YAP1: variants seen among roughly 807,000 people sequenced by gnomAD.
YAP1 encodes the protein Yes1 associated transcriptional regulator, also known as transcriptional coactivator YAP1.
YAP1 carries 5 observed loss-of-function variants against 56.9 expected under a neutral mutation model. The ratio of observed to expected loss-of-function variants is 0.09; its 90% CI spans 0.05 to 0.18. The LOEUF (loss-of-function observed/expected upper bound fraction) is 0.18. Among genes scored for constraint, YAP1 ranks in the 10% least tolerant of loss-of-function variants. The pLI, the probability that YAP1 is intolerant of heterozygous loss-of-function variation, is 1.00. For synonymous variants in YAP1, 265 were observed against 248.1 expected, an observed-to-expected ratio of 1.07 and a Z score of -0.64; for missense variants, 539 against 651.8, an observed-to-expected ratio of 0.83 and a Z score of 1.88.
At chr11:102,167,637 G>A (rs559499263) in intron 3 of YAP1, among the ~76,000 whole-genome samples, 70 of 152,320 alleles carry the variant, frequency 4.6e-4, no homozygotes, top group African/African-American at 1.6e-3. Context: ...CGGAGGCTGA[G>A]GCAGGAGAAT....
chr11:102,209,473 T>C (rs750265229), intron 5 of YAP1, 44 bp from the exon 6 acceptor site: 2 of 1,566,008 alleles, frequency 1.3e-6, no homozygotes, highest in South Asian at 1.1e-5. Flanking sequence ...AGCCAGACCA[T>C]GTGGCTTAAA....
chr11:102,175,878 G>T (rs1449609749), intron 3 of YAP1, among the ~76,000 whole-genome samples: 1 of 152,174 alleles, frequency 6.6e-6, no homozygotes. Context: ...TTCTATATGT[G>T]ATCCATCATT....
intron 4 of YAP1, among the ~76,000 whole-genome samples, chr11:102,192,059 G>T (rs1233302126): frequency 6.6e-6 from 1 of 152,084 alleles, no homozygotes; most frequent in Non-Finnish European, 1.5e-5. Context: ...CCCAATTCTT[G>T]CCTCACCGAT....
chr11:102,225,463 C>T (rs1950151855), intron 7 of YAP1, among the ~76,000 whole-genome samples: 1 of 152,188 alleles, frequency 6.6e-6, no homozygotes, highest in Admixed American at 6.5e-5. Flanking sequence ...CCAGCCTGGG[C>T]AACAAGAGTG....
intron 2 of YAP1, among the ~76,000 whole-genome samples, chr11:102,147,907 G>C (rs1945413586): frequency 6.6e-6 from 1 of 152,110 alleles, no homozygotes; most frequent in East Asian, 1.9e-4. Context: ...GCATATTAGA[G>C]ATATTAGAAT....
chr11:102,228,656 A>AAAAAAAAAAAAAAAAAAAAAT (rs1950318329), intron 8 of YAP1, among the ~76,000 whole-genome samples: 1 of 148,034 alleles, frequency 6.8e-6, no homozygotes, highest in Non-Finnish European at 1.5e-5. Flanking sequence ...AAAAAAAAAA[A>AAAAAAAAAAAAAAAAAAAAAT]AAAAAGAATA....
Position 102,174,723 on chromosome 11 carries a change from G to A in YAP1, c.689-11295G>A, listed in dbSNP as rs116784726. 6.9e-3 allele frequency among the ~76,000 whole-genome samples: 1,044 copies of A among 152,268 alleles called. 15 individuals carry two copies. The highest frequency in any genetic ancestry group is 0.024 in the African/African-American group (990 of 41,556). ...CAAACTTTGGTTGTATTTGGTGGCAGTGCTAAGTCCTAGGGATACAAAGAC... is the reference window on the plus strand; with the variant it reads ...CAAACTTTGGTTGTATTTGGTGGCAATGCTAAGTCCTAGGGATACAAAGAC... On this transcript the variant is annotated intron_variant, in intron 3 of 8. Transcript: ENST00000282441.
chr11:102,117,272 GTGT>G (rs1280275342), intron 2 of YAP1, among the ~76,000 whole-genome samples: 7 of 152,180 alleles, frequency 4.6e-5, no homozygotes, highest in Admixed American at 1.3e-4. Flanking sequence ...CTAAAGAGGA[GTGT>G]TGTTGTCATC....
chr11:102,202,302 G>T (rs561104216), intron 4 of YAP1, among the ~76,000 whole-genome samples: 5 of 149,562 alleles, frequency 3.3e-5, no homozygotes, highest in African/African-American at 9.9e-5. Flanking sequence ...TAGCTGGTAG[G>T]TACTACAGTC....
chr11:102,227,637 C>T, intron 8 of YAP1, 56 bp downstream of exon 8: 1 of 1,186,340 alleles, frequency 8.4e-7, no homozygotes, highest in Admixed American at 1.8e-5. Flanking sequence ...TATGTTATCA[C>T]CAGGTCTCAT....
intron 2 of YAP1, among the ~76,000 whole-genome samples, chr11:102,130,290 T>C (rs1445007845): frequency 6.6e-6 from 1 of 152,184 alleles, no homozygotes; most frequent in Non-Finnish European, 1.5e-5. Context: ...AGCCAAGTGC[T>C]AAGTTTAGAA....
chr11:102,209,359 G>C (rs1949280163), intron 5 of YAP1, among the ~76,000 whole-genome samples, 158 bp from the exon 6 acceptor site: 1 of 152,140 alleles, frequency 6.6e-6, no homozygotes, highest in Non-Finnish European at 1.5e-5. Context: ...GTTATGTGGT[G>C]ACTCCATTGG....
intron 2 of YAP1, among the ~76,000 whole-genome samples, chr11:102,160,996 T>C (rs1170359370): frequency 2.0e-5 from 3 of 151,766 alleles, no homozygotes; most frequent in African/African-American, 7.3e-5. Context: ...TCCTACTCAC[T>C]GTACTCTCAC....
chr11:102,123,765 G>A (rs1053383300), intron 2 of YAP1, among the ~76,000 whole-genome samples: 2 of 149,106 alleles, frequency 1.3e-5, no homozygotes, highest in African/African-American at 2.5e-5. Context: ...TCAGCCTCCC[G>A]AGTAGCTGGG....
chr11:102,114,767 C>G (rs183748478), intron 2 of YAP1, among the ~76,000 whole-genome samples: 29 of 152,266 alleles, frequency 1.9e-4, no homozygotes, highest in Admixed American at 1.2e-3. Context: ...CAGCGTCTTA[C>G]AAAATACGTA....
intron 2 of YAP1, among the ~76,000 whole-genome samples, chr11:102,142,068 A>G (rs1049480553): frequency 6.6e-6 from 1 of 152,248 alleles, no homozygotes; most frequent in Non-Finnish European, 1.5e-5. Context: ...AATAAAGTAT[A>G]AGTTTAATAT....
chr11:102,116,015 G>C (rs1390158783), intron 2 of YAP1, among the ~76,000 whole-genome samples: 1 of 152,134 alleles, frequency 6.6e-6, no homozygotes, highest in East Asian at 1.9e-4. Flanking sequence ...TTTGTATCTT[G>C]TAATAATTGC....
chr11:102,170,328 C>G (rs970334082), intron 3 of YAP1, among the ~76,000 whole-genome samples: 3 of 152,032 alleles, frequency 2.0e-5, no homozygotes, highest in Non-Finnish European at 4.4e-5. Context: ...AGCTGCAGAT[C>G]AGTATTTTTT....
chr11:102,191,134 A>G (rs996436773), intron 4 of YAP1, among the ~76,000 whole-genome samples: 13 of 151,852 alleles, frequency 8.6e-5, no homozygotes, highest in African/African-American at 3.1e-4. Context: ...AGATCGCACC[A>G]CTGCACTCCA....
Sources: gnomAD v4.1 joint callset for allele counts (sites outside exome capture counted in the v4.1 genomes callset) on GRCh38, gnomAD v4.1.1 for gene constraint, MANE v1.5 for transcripts, NCBI Gene and HGNC (gene_info 2026-07-23, HGNC 2026-07-21) for gene names.